Variants in LMBR1L observed in about 807,000 individuals in gnomAD.
LMBR1L encodes the protein protein LMBR1L.
Under a neutral mutation model 67.3 loss-of-function variants are expected in LMBR1L, and 47 were observed. That is an observed-to-expected ratio of 0.70 (90% confidence interval 0.55 to 0.89). LMBR1L has a LOEUF of 0.89. Among genes scored for constraint, LMBR1L ranks in the 40% least tolerant of loss-of-function variants. LMBR1L has a pLI of 0.00. For missense variants in LMBR1L, 533 were observed against 599.2 expected (o/e 0.89, Z 1.15); for synonymous variants, 247 against 250.3 (o/e 0.99, Z 0.13).
rs753227065 is a variant in LMBR1L at position 49,104,497 on chromosome 12, G to C, written c.386C>G (p.Pro129Arg). The C allele has an allele frequency of 6.2e-7, 1 of 1,614,056 alleles. No homozygotes were observed. Among genetic ancestry groups the C allele is most frequent in the South Asian group, 1.1e-5 (1 of 91,080 alleles). ...AGACTCAGTGAAGAAATATGCAAAG[G>C]GCATGAGGAAGATGAGGGACAGGTT... The part of the protein sequence containing the change: ...FSNLSLIFLM[P>R]FAYFFTESEG... Residue 129 changes from proline to arginine, a missense_variant, in exon 5 of 17, where the codon CCC becomes CGC. By Grantham distance (103) the Pro-to-Arg change is moderately radical. Around this residue, in one of 3 missense-constraint regions of LMBR1L, gnomAD observed 246 missense variants for 249.0 expected, o/e 0.99. Coordinates refer to ENST00000267102, the MANE Select transcript of LMBR1L (RefSeq NM_018113.4).
chr12:49,106,395 G>C, intron 2 of LMBR1L: 5 of 387,748 alleles, frequency 1.3e-5, no homozygotes, highest in South Asian at 6.0e-5. Context: ...GTTGAGGGGG[G>C]ACTCATCCTG....
In LMBR1L at chr12:49,098,101, G is replaced by A. The variant is rs376019601; in HGVS notation, c.1245C>T (p.Leu415=). ...AGTCACCCAGCAGGTCAAAGCGAGT[G>A]AGCCCTGAAGCACAAAGGCCAGGAT... The part of the protein sequence containing the change: ...ALPVFSRTLG[L]TRFDLLGDFG... The change falls in exon 16 of 17, where the codon CTC becomes CTT. Residue 415 remains leucine, a synonymous_variant. Coordinates refer to ENST00000267102, the MANE Select transcript of LMBR1L (RefSeq NM_018113.4). 9.2e-5 allele frequency: 149 copies of A among 1,612,468 alleles called. No homozygotes were observed. Among genetic ancestry groups the A allele is most frequent in the Non-Finnish European group, 1.3e-4 (148 of 1,178,828 alleles).
chr12:49,110,367 G>A (rs990893210), intron 1 of LMBR1L, 117 bp downstream of exon 1: 56 of 979,452 alleles, frequency 5.7e-5, no homozygotes, highest in Non-Finnish European at 8.2e-5. Flanking sequence ...GGAGGCCTCC[G>A]TCGCCCGCCG....
chr12:49,097,359 T>A lies in LMBR1L; in HGVS notation c.*313A>T. ...CCCCACCCTATTGCACATCAAATCA[T>A]GTAAACATGGCTATGGGGATGGCCC... On this transcript the variant is annotated 3_prime_UTR_variant, in exon 17 of 17. Coordinates refer to ENST00000267102, the MANE Select transcript of LMBR1L (RefSeq NM_018113.4). 8.5e-6 allele frequency: 3 copies of A among 354,446 alleles called. No homozygotes were observed. Among genetic ancestry groups the A allele is most frequent in the Non-Finnish European group, 1.1e-5 (2 of 184,200 alleles). The allele number at this position is 354,446 out of a possible 1,614,324, so 22.0% of individuals were successfully genotyped here. A position where few individuals can be genotyped will look rare whatever the true frequency, so the allele number is the denominator to read the frequency against.
At chr12:49,103,913 A>T (rs1043432155) in intron 5 of LMBR1L, 100 bp from the exon 6 acceptor site, 11 of 1,300,620 alleles carry the variant, frequency 8.5e-6, no homozygotes, top group Non-Finnish European at 1.1e-5. Context: ...GTTTGGATTC[A>T]GGAGGTAAGA....
intron 13 of LMBR1L, 138 bp downstream of exon 13, chr12:49,101,112 G>C (rs1458354874): frequency 3.7e-5 from 58 of 1,570,652 alleles, no homozygotes; most frequent in Non-Finnish European, 2.6e-6. Flanking sequence ...CTGAACCTGA[G>C]GTTGATGAAA....
chr12:49,104,077 G>A (rs889021127), intron 5 of LMBR1L: 20 of 491,698 alleles, frequency 4.1e-5, no homozygotes, highest in Non-Finnish European at 7.2e-5. Flanking sequence ...TCCGAGGTCT[G>A]CATCCCACAA....
intron 2 of LMBR1L, chr12:49,106,680 T>G: frequency 1.6e-6 from 2 of 1,228,338 alleles, no homozygotes; most frequent in African/African-American, 1.5e-5. Context: ...GCTTTCACAT[T>G]AACCATCTCC....
intron 11 of LMBR1L, 42 bp downstream of exon 11, chr12:49,102,078 T>G (rs779300614): frequency 6.4e-7 from 1 of 1,553,782 alleles, no homozygotes; most frequent in Non-Finnish European, 8.9e-7. Flanking sequence ...AGGCCTCAAG[T>G]ACTGAGGGTC....
intron 1 of LMBR1L, among the ~76,000 whole-genome samples, chr12:49,108,666 G>A (rs1266617090): frequency 8.6e-5 from 13 of 151,916 alleles, no homozygotes; most frequent in Non-Finnish European, 1.6e-4. Context: ...CCTGGGAGGC[G>A]GAGGTTGCAG....
rs190594691 is a variant in LMBR1L, at chr12:49,104,399, C to G, written c.435+49G>C. The G allele has an allele frequency of 3.1e-6, 4 of 1,290,040 alleles. No homozygotes were observed. The African/African-American group carries it at 5.9e-5, about 19-fold the overall frequency. The allele number at this position is 1,290,040 out of a possible 1,614,324, so 79.9% of individuals were successfully genotyped here. Reference sequence around the variant, plus strand: ...TTTATTAAAATCTCTTCAGCTGAACCATGTGTGTGGAATTCCGTTTCCTGC... The same window carrying G: ...TTTATTAAAATCTCTTCAGCTGAACGATGTGTGTGGAATTCCGTTTCCTGC... On this transcript the variant is annotated intron_variant, in intron 5 of 16. Transcript: ENST00000267102.
intron 5 of LMBR1L, 116 bp downstream of exon 5, chr12:49,104,332 G>C: frequency 1.3e-6 from 1 of 784,766 alleles, no homozygotes. Context: ...ACTGTCACTA[G>C]AGCCTCAAAC....
intron 1 of LMBR1L, chr12:49,109,606 T>C (rs1162297263): frequency 2.3e-6 from 1 of 438,152 alleles, no homozygotes; most frequent in African/African-American, 2.0e-5. Context: ...CCATTTACTA[T>C]CTGGAGATGA....
rs780619017 is a variant in LMBR1L at position 49,103,197 on chromosome 12, CCTTA to C, written c.563-42_563-39del. The C allele has an allele frequency of 1.3e-5, 20 of 1,565,096 alleles. No individual in the cohort carries two copies. The East Asian group carries it at 4.3e-4, about 34-fold the overall frequency. On this transcript the variant is annotated intron_variant, in intron 6 of 16. Coordinates refer to ENST00000267102, the MANE Select transcript of LMBR1L (RefSeq NM_018113.4). ...AAAAGAGGCATGTCAGCTCATCTCT[CCTTA>C]CTTACTGTCCCCAGGCTGACAGGCC...
chr12:49,104,183 T>G, intron 5 of LMBR1L: 1 of 498,206 alleles, frequency 2.0e-6, no homozygotes, highest in Non-Finnish European at 3.6e-6. Context: ...TCTGCCACCA[T>G]GGTTTTGGCA....
intron 7 of LMBR1L, 23 bp from the exon 8 acceptor site, chr12:49,102,974 C>A: frequency 6.2e-7 from 1 of 1,613,250 alleles, no homozygotes; most frequent in East Asian, 2.2e-5. Flanking sequence ...GAGCCAGTCA[C>A]TTGCCAGACC....
chr12:49,097,746 A>C lies in LMBR1L; in HGVS notation c.1403-7T>G. 7.4e-6 allele frequency: 12 copies of C among 1,613,932 alleles called. No homozygotes were observed. The highest frequency in any genetic ancestry group is 1.0e-5 in the Non-Finnish European group (12 of 1,179,908). Reference sequence around the variant, plus strand: ...AGCGGCAGTCTGTCCAGCCCTGGAGAAGAGGAGATGGGCAGTCAAAAGCAA... The same window carrying C: ...AGCGGCAGTCTGTCCAGCCCTGGAGCAGAGGAGATGGGCAGTCAAAAGCAA... On this transcript the variant is annotated splice_region_variant and splice_polypyrimidine_tract_variant and intron_variant, in intron 16 of 16. Coordinates refer to ENST00000267102, the MANE Select transcript of LMBR1L (RefSeq NM_018113.4).
intron 1 of LMBR1L, 189 bp downstream of exon 1, chr12:49,110,295 C>T: frequency 1.6e-6 from 1 of 620,526 alleles, no homozygotes; most frequent in Non-Finnish European, 2.9e-6. Context: ...GTTTATCGCT[C>T]AGGGACCCAG....
Position 49,103,722 on chromosome 12 carries a change from A to G in LMBR1L, c.527T>C (p.Val176Ala). The G allele has an allele frequency of 1.2e-6, 2 of 1,614,150 alleles. No individual in the cohort carries two copies. The highest frequency in any genetic ancestry group is 1.7e-6 in the Non-Finnish European group (2 of 1,180,018). The change falls in exon 6 of 17, where the codon GTG (valine) becomes GCG (alanine). Residue 176 changes from valine to alanine, a missense_variant. Coordinates refer to ENST00000267102, the MANE Select transcript of LMBR1L (RefSeq NM_018113.4). ...CTCTCTGTTGGCCTTGTTCTTGTCC[A>G]CAATGGCTGATGCCACCCACACCAT... ...LGMVWVASAIVDKNKANRESL... is the reference protein window; with the variant it reads ...LGMVWVASAIADKNKANRESL...
Sources: allele counts gnomAD v4.1 joint callset (sites outside exome capture counted in the v4.1 genomes callset), GRCh38; gene constraint gnomAD v4.1.1; regional missense constraint gnomAD v4.1.1; transcripts MANE v1.5; gene names NCBI Gene and HGNC (gene_info 2026-07-23, HGNC 2026-07-21).